The following CYSTM1 variants were observed in gnomAD, a reference collection of about 807,000 sequenced individuals.
The protein encoded by CYSTM1 is cysteine-rich transmembrane module-containing protein 1.
A neutral mutation model predicts 13.1 loss-of-function variants in CYSTM1; 4 were observed. The observed-to-expected ratio is 0.31, with a 90% CI of 0.15 to 0.70. The LOEUF is 0.70. CYSTM1 is among the 30% of genes least tolerant of loss of function. CYSTM1 has a pLI of 0.72. For missense variants in CYSTM1, 96 were observed against 121.6 expected, an observed-to-expected ratio of 0.79 and a Z score of 0.99; for synonymous variants, 36 against 42.7, an observed-to-expected ratio of 0.84 and a Z score of 0.62.
Position 140,239,016 on chromosome 5 carries a change from C to G in CYSTM1, c.188-4289C>G, listed in dbSNP as rs1037428091. On this transcript the variant is annotated intron_variant, in intron 2 of 2. Transcript: ENST00000261811. This position sits in a 1 kb window ranked among gnomAD's most constrained non-coding sequence, Gnocchi z 5.4. ...GGGCCACGGTGCTGCTTCCTCACTCCTGGAGCAAGAAGGCTGCAGGCATCA... is the reference window on the plus strand; with the variant it reads ...GGGCCACGGTGCTGCTTCCTCACTCGTGGAGCAAGAAGGCTGCAGGCATCA... 6.6e-6 allele frequency among the ~76,000 whole-genome samples: 1 copy of G among 152,198 alleles called. No homozygotes were observed. Among genetic ancestry groups the G allele is most frequent in the Non-Finnish European group, 1.5e-5 (1 of 68,030 alleles).
intron 2 of CYSTM1, among the ~76,000 whole-genome samples, chr5:140,242,902 A>T (rs1198192623): frequency 1.3e-5 from 2 of 152,082 alleles, no homozygotes; most frequent in Non-Finnish European, 1.5e-5. Context: ...TTAAAAGGAG[A>T]TTTTAATTCC....
chr5:140,183,166 C>G (rs1197361950), intron 1 of CYSTM1, among the ~76,000 whole-genome samples: 1 of 152,204 alleles, frequency 6.6e-6, no homozygotes, highest in Non-Finnish European at 1.5e-5. Context: ...TGGCAGGGGA[C>G]CTGGCCTGGG....
At chr5:140,188,778 C>CA (rs34915397) in intron 1 of CYSTM1, among the ~76,000 whole-genome samples, 62,086 of 113,344 alleles carry the variant, frequency 0.55, 16,857 homozygotes, top group African/African-American at 0.6. Flanking sequence ...GACTCCGTCT[C>CA]AAAAAAAAAA....
rs555873525 is a variant in CYSTM1 at position 140,212,839 on chromosome 5, C to T, written c.187+18187C>T. Among the ~76,000 whole-genome samples the T allele has an allele frequency of 1.3e-4, 20 of 151,540 alleles. No individual in the cohort carries two copies. In the South Asian group the frequency reaches 2.5e-3, roughly 19 times the overall value. On this transcript the variant is annotated intron_variant, in intron 2 of 2. Transcript: ENST00000261811. ...AAAAACAACCAGGCGTGGTGATACA[C>T]GCCTGTAATCCCAGCTACTAGAGAG...
intron 2 of CYSTM1, among the ~76,000 whole-genome samples, chr5:140,226,087 G>C (rs1201440056): frequency 1.3e-5 from 2 of 152,214 alleles, no homozygotes; most frequent in Non-Finnish European, 2.9e-5. Flanking sequence ...ATAGGCATTT[G>C]AATAATAGTA....
chr5:140,211,411 T>C (rs1408689235), intron 2 of CYSTM1, among the ~76,000 whole-genome samples: 2 of 152,220 alleles, frequency 1.3e-5, no homozygotes, highest in Admixed American at 6.5e-5. Context: ...GCTGAGAGCA[T>C]TGTAAACACG....
At chr5:140,226,038 G>A (rs565066130) in intron 2 of CYSTM1, among the ~76,000 whole-genome samples, 1 of 152,328 alleles carries the variant, frequency 6.6e-6, no homozygotes, top group African/African-American at 2.4e-5. Context: ...TCTACAAGAG[G>A]CCTGCTTTTG....
chr5:140,203,099 G>A (rs1001719478), intron 2 of CYSTM1: 1 of 152,198 alleles, frequency 6.6e-6, no homozygotes, highest in African/African-American at 2.4e-5. Context: ...GAGTTTCAGA[G>A]TAGGTGGGTT....
Position 140,212,312 on chromosome 5 carries a change from G to A in CYSTM1, c.187+17660G>A, listed in dbSNP as rs1456567481. Reference sequence around the variant, plus strand: ...TGGAGCTGGAAAATTTCTATCCCTAGTGATGTCTTGGCCATCATGATATCG... The same window carrying A: ...TGGAGCTGGAAAATTTCTATCCCTAATGATGTCTTGGCCATCATGATATCG... On this transcript the variant is annotated intron_variant, in intron 2 of 2. Transcript: ENST00000261811. 7.2e-5 allele frequency among the ~76,000 whole-genome samples: 11 copies of A among 152,320 alleles called. No individual in the cohort carries two copies. The East Asian group carries it at 1.4e-3, about 19-fold the overall frequency.
intron 1 of CYSTM1, among the ~76,000 whole-genome samples, chr5:140,189,896 A>G (rs1234260737): frequency 1.3e-5 from 2 of 152,152 alleles, no homozygotes; most frequent in African/African-American, 4.8e-5. Flanking sequence ...GCTTTTGCAT[A>G]GGTCTGTGAT....
chr5:140,206,542 C>G (rs1390253900), intron 2 of CYSTM1, among the ~76,000 whole-genome samples: 1 of 152,142 alleles, frequency 6.6e-6, no homozygotes, highest in African/African-American at 2.4e-5. Context: ...TGTACAGAAT[C>G]CTGGGAGTAT....
intron 2 of CYSTM1, among the ~76,000 whole-genome samples, chr5:140,216,832 C>T (rs1272195369): frequency 6.6e-6 from 1 of 152,108 alleles, no homozygotes; most frequent in Non-Finnish European, 1.5e-5. Context: ...GTTGCCCTGA[C>T]CCATCCTCAG....
At position 140,182,044 on chromosome 5, in the gene CYSTM1, G is replaced by C. The variant is rs79896397; in HGVS notation, c.-21+6759G>C. Among the ~76,000 whole-genome samples the C allele has an allele frequency of 2.0e-5, 3 of 152,228 alleles. No individual in the cohort carries two copies. The East Asian group carries it at 5.8e-4, about 29-fold the overall frequency. ...TTATCTTTATGTCATCTGTACTGTT[G>C]TTTAACATTCTTCTTAAAGTTGACC... On this transcript the variant is annotated intron_variant, in intron 1 of 2. Coordinates refer to ENST00000261811, the MANE Select transcript of CYSTM1 (RefSeq NM_032412.4).
intron 2 of CYSTM1, among the ~76,000 whole-genome samples, chr5:140,229,824 A>G (rs35277761): frequency 0.23 from 35,113 of 152,040 alleles, 4,077 homozygotes; most frequent in African/African-American, 0.25. Context: ...CAGCCTCCCA[A>G]GTAGCTGGGA....
intron 2 of CYSTM1, among the ~76,000 whole-genome samples, chr5:140,234,200 T>C (rs926783181): frequency 1.3e-5 from 2 of 152,350 alleles, no homozygotes; most frequent in Admixed American, 6.5e-5. Flanking sequence ...CATACCAATA[T>C]TTTTCAAAAT....
At chr5:140,184,245 A>G (rs542099779) in intron 1 of CYSTM1, among the ~76,000 whole-genome samples, 1 of 152,318 alleles carries the variant, frequency 6.6e-6, no homozygotes, top group East Asian at 1.9e-4. Context: ...GTGCTTTTTC[A>G]TATCAGCACA....
chr5:140,185,762 T>G (rs1322923036), intron 1 of CYSTM1, among the ~76,000 whole-genome samples: 1 of 152,178 alleles, frequency 6.6e-6, no homozygotes, highest in Non-Finnish European at 1.5e-5. Flanking sequence ...CAGGAGCAAG[T>G]TCTTCCTAGG....
chr5:140,240,177 C>CT (rs1234005331), intron 2 of CYSTM1, among the ~76,000 whole-genome samples: 15 of 152,166 alleles, frequency 9.9e-5, no homozygotes, highest in Admixed American at 7.2e-4. Flanking sequence ...CCAGCACCCC[C>CT]CCACTGCTCT....
chr5:140,240,002 G>C (rs939042607), intron 2 of CYSTM1, among the ~76,000 whole-genome samples: 1 of 152,064 alleles, frequency 6.6e-6, no homozygotes, highest in African/African-American at 2.4e-5. Context: ...CCCTGCCCGC[G>C]TCAGGAGCTG....
Sources: allele counts gnomAD v4.1 joint callset (sites outside exome capture counted in the v4.1 genomes callset), GRCh38; gene constraint gnomAD v4.1.1; non-coding constraint Gnocchi (gnomAD v3.1); transcripts MANE v1.5; gene names NCBI Gene and HGNC (gene_info 2026-07-23, HGNC 2026-07-21).